KCNIP4: variants seen among roughly 807,000 people sequenced by gnomAD.
KCNIP4 encodes the protein Kv channel-interacting protein 4.
In KCNIP4, 12 loss-of-function variants were observed where a neutral mutation model predicts 34.0. The observed-to-expected ratio is 0.35, with a 90% confidence interval of 0.23 to 0.57. KCNIP4 has a LOEUF of 0.57. Among genes scored for constraint, KCNIP4 ranks in the 20% least tolerant of loss-of-function variants. The pLI is 0.83. For synonymous variants in KCNIP4, 124 were observed against 102.2 expected, an observed-to-expected ratio of 1.21 and a Z score of -1.29; for missense variants, 238 against 311.7, an observed-to-expected ratio of 0.76 and a Z score of 1.78.
chr4:20,763,035 G>A (rs762276971), intron 3 of KCNIP4, among the ~76,000 whole-genome samples: 10 of 152,058 alleles, frequency 6.6e-5, no homozygotes, highest in Admixed American at 2.0e-4. Flanking sequence ...CACTTATCAC[G>A]AGAACAGCAT....
At chr4:21,546,598 A>C (rs1434432148) in intron 1 of KCNIP4, among the ~76,000 whole-genome samples, 1 of 152,126 alleles carries the variant, frequency 6.6e-6, no homozygotes, top group Non-Finnish European at 1.5e-5. Flanking sequence ...AGGTATTTGC[A>C]TTTCCTAATT....
chr4:21,303,694 C>T (rs1712017874), intron 1 of KCNIP4: 2 of 750,134 alleles, frequency 2.7e-6, no homozygotes, highest in Non-Finnish European at 2.1e-6. Flanking sequence ...CCTTCATGTC[C>T]ATCCCAGAGT....
intron 1 of KCNIP4, among the ~76,000 whole-genome samples, chr4:21,415,958 G>A (rs549227507): frequency 1.2e-4 from 19 of 152,232 alleles, no homozygotes; most frequent in Non-Finnish European, 2.1e-4. Context: ...GAACTCTTCC[G>A]ACGTAGGCAT....
intron 1 of KCNIP4, among the ~76,000 whole-genome samples, chr4:21,460,108 C>A (rs201775028): frequency 7.2e-6 from 1 of 138,506 alleles, no homozygotes; most frequent in African/African-American, 2.5e-5. Context: ...CCCCCGCCCC[C>A]CATCTCTTGT....
At chr4:21,572,791 T>A (rs1041581205) in intron 1 of KCNIP4, among the ~76,000 whole-genome samples, 1 of 152,106 alleles carries the variant, frequency 6.6e-6, no homozygotes, top group Non-Finnish European at 1.5e-5. Flanking sequence ...CACACCCAGC[T>A]AATTTTTGTA....
intron 1 of KCNIP4, among the ~76,000 whole-genome samples, chr4:21,350,474 G>T (rs953054753): frequency 6.6e-6 from 1 of 152,182 alleles, no homozygotes; most frequent in African/African-American, 2.4e-5. Context: ...TACAAGGCAT[G>T]AAACAAACTT....
intron 1 of KCNIP4, among the ~76,000 whole-genome samples, chr4:21,265,139 G>A (rs756032617): frequency 5.3e-5 from 8 of 151,620 alleles, no homozygotes; most frequent in East Asian, 1.9e-4. Context: ...TAATAATAAC[G>A]TGAGTCCTAA....
At chr4:21,451,645 CATA>C (rs1481712827) in intron 1 of KCNIP4, among the ~76,000 whole-genome samples, 2 of 151,984 alleles carry the variant, frequency 1.3e-5, no homozygotes, top group Non-Finnish European at 2.9e-5. Flanking sequence ...TGATTTTGTC[CATA>C]ATAACAGATG....
intron 1 of KCNIP4, among the ~76,000 whole-genome samples, chr4:21,178,165 AG>A (rs1754567059): frequency 6.6e-6 from 1 of 152,172 alleles, no homozygotes; most frequent in African/African-American, 2.4e-5. Flanking sequence ...CTTAGAAATA[AG>A]GTTCTTCCTC....
chr4:20,798,107 C>A (rs888288026), intron 3 of KCNIP4, among the ~76,000 whole-genome samples: 4 of 152,234 alleles, frequency 2.6e-5, no homozygotes, highest in Admixed American at 2.6e-4. Flanking sequence ...TGAACACATT[C>A]ATTAAGTGCC....
intron 1 of KCNIP4, among the ~76,000 whole-genome samples, chr4:21,888,220 G>C (rs1460894319): frequency 6.6e-6 from 1 of 152,054 alleles, no homozygotes; most frequent in African/African-American, 2.4e-5. Context: ...TCTGAATAAG[G>C]ATAAATACAA....
At chr4:21,346,190 TATAG>T (rs1314340746) in intron 1 of KCNIP4, among the ~76,000 whole-genome samples, 2 of 89,804 alleles carry the variant, frequency 2.2e-5, no homozygotes, top group African/African-American at 8.5e-5. Flanking sequence ...ATATTATATA[TATAG>T]AATTATATAT....
intron 1 of KCNIP4, among the ~76,000 whole-genome samples, chr4:20,971,370 A>G (rs1476848749): frequency 6.6e-6 from 1 of 152,208 alleles, no homozygotes; most frequent in Non-Finnish European, 1.5e-5. Flanking sequence ...AGGACAATCT[A>G]TTAAAGATGC....
At chr4:21,252,078 A>G (rs1226710714) in intron 1 of KCNIP4, among the ~76,000 whole-genome samples, 2 of 151,932 alleles carry the variant, frequency 1.3e-5, no homozygotes, top group African/African-American at 4.8e-5. Flanking sequence ...TGTTTTAAGT[A>G]ACTACCTGAG....
chr4:21,904,619 T>C (rs1727888909), intron 1 of KCNIP4, among the ~76,000 whole-genome samples: 1 of 152,210 alleles, frequency 6.6e-6, no homozygotes, highest in Non-Finnish European at 1.5e-5. Context: ...ATAGAAGACA[T>C]AAACTTTCTA....
rs147273837 is a variant in KCNIP4, at chr4:21,547,854, C to T, written c.61+400717G>A. On this transcript the variant is annotated intron_variant, in intron 1 of 8. Coordinates refer to ENST00000382152, the MANE Select transcript of KCNIP4 (RefSeq NM_025221.6). ...GTTTATGTTTCATATATACCTTATA[C>T]GTATAGCCTGAAGGTGACTTTATAA... Among the ~76,000 whole-genome samples the T allele has an allele frequency of 3.8e-3, 574 of 150,264 alleles. 6 individuals are homozygous for T. The highest frequency in any genetic ancestry group is 0.013 in the African/African-American group (548 of 40,966).
At chr4:21,147,543 T>G (rs1752446957) in intron 1 of KCNIP4, among the ~76,000 whole-genome samples, 1 of 152,210 alleles carries the variant, frequency 6.6e-6, no homozygotes, top group South Asian at 2.1e-4. Context: ...ATTATTTTTC[T>G]TTATTATCAA....
chr4:20,896,906 C>G (rs138814483), intron 1 of KCNIP4, among the ~76,000 whole-genome samples: 1 of 152,082 alleles, frequency 6.6e-6, no homozygotes, highest in Non-Finnish European at 1.5e-5. Context: ...AGGGGCTCTA[C>G]TTGTAGTGCC....
chr4:20,877,056 T>G (rs1193892021), intron 2 of KCNIP4, among the ~76,000 whole-genome samples: 3 of 152,216 alleles, frequency 2.0e-5, no homozygotes, highest in Non-Finnish European at 4.4e-5. Context: ...TCTGGAAGGC[T>G]GACCTTTGTG....
Sources: gnomAD v4.1 joint callset for allele counts (sites outside exome capture counted in the v4.1 genomes callset) on GRCh38, gnomAD v4.1.1 for gene constraint, MANE v1.5 for transcripts, NCBI Gene and HGNC (gene_info 2026-07-23, HGNC 2026-07-21) for gene names.